MEGF6: variants seen among roughly 807,000 people sequenced by gnomAD.
MEGF6 encodes multiple epidermal growth factor-like domains protein 6.
A neutral mutation model predicts 207.1 loss-of-function variants in MEGF6; 184 were observed. The observed-to-expected ratio is 0.89, with a 90% CI of 0.79 to 1.00. The LOEUF (loss-of-function observed/expected upper bound fraction) is 1.00, where lower values mean the gene tolerates loss of function less well. MEGF6 is among the 50% of genes least tolerant of loss of function. The probability of loss-of-function intolerance (pLI) is 0.00; values close to 1 mark genes in which losing one functional copy is unlikely to be tolerated. For missense variants in MEGF6, 2,282 were observed against 2,202.9 expected, an observed-to-expected ratio of 1.04 and a Z score of -0.72; for synonymous variants, 1,038 against 910.0, an observed-to-expected ratio of 1.14 and a Z score of -2.53.
rs1281128232 is a variant in MEGF6, at chr1:3,560,785, G to A, written c.481+19040C>T. On this transcript the variant is annotated intron_variant, in intron 4 of 36. Transcript: ENST00000356575. This position sits in a 1 kb window ranked among gnomAD's most constrained non-coding sequence, Gnocchi z 4.0. ...TCTGGATTTCCAGGGTCACCCGGCA[G>A]TCCCCTCTGGCAGCCACCGGAGCAG... 2.1e-6 allele frequency: 1 copy of A among 472,848 alleles called. No individual in the cohort carries two copies. The highest frequency in any genetic ancestry group is 2.3e-5 in the Admixed American group (1 of 43,310). The allele number at this position is 472,848 out of a possible 1,614,324, so 29.3% of individuals were successfully genotyped here.
intron 5 of MEGF6, among the ~76,000 whole-genome samples, chr1:3,521,762 C>T (rs992862483): frequency 1.3e-5 from 2 of 152,218 alleles, no homozygotes; most frequent in African/African-American, 4.8e-5. Flanking sequence ...TGTCAGCTCC[C>T]AGGAACTCGC....
chr1:3,494,225 GC>G, intron 32 of MEGF6, 101 bp from the exon 33 acceptor site: 1 of 1,474,680 alleles, frequency 6.8e-7, no homozygotes, highest in Non-Finnish European at 9.0e-7. Flanking sequence ...CCCGAGAAAA[GC>G]CCCCTCCTGC....
At chr1:3,496,856 G>C (rs1640627487) in intron 28 of MEGF6, 73 bp from the exon 29 acceptor site, 2 of 1,524,442 alleles carry the variant, frequency 1.3e-6, no homozygotes, top group Non-Finnish European at 1.8e-6. Context: ...CAGCAAGGCA[G>C]CTCTCATGAG....
Position 3,509,244 on chromosome 1 carries a change from G to C in MEGF6, c.1359C>G (p.Pro453=). 1 of 1,485,930 alleles carries C rather than the reference G, an allele frequency of 6.7e-7. No individual in the cohort carries two copies. Among genetic ancestry groups the C allele is most frequent in the Non-Finnish European group, 9.0e-7 (1 of 1,115,912 alleles). 92.0% of individuals were successfully genotyped at this position (1,485,930 alleles called of 1,614,324 possible). Residue 453 remains proline (P), a splice_region_variant and synonymous_variant, in exon 12 of 37, where the codon CCC becomes CCG. Transcript: ENST00000356575. The part of the protein sequence containing the change: ...RLHEDRRGCS[P]LEEPMVDLDG... ...CCAGGTCCACCATCGGCTCCTCCAGGGCTGCCAGGGGCACAGAGGCGCCTT... is the reference window on the plus strand; with the variant it reads ...CCAGGTCCACCATCGGCTCCTCCAGCGCTGCCAGGGGCACAGAGGCGCCTT...
At chr1:3,554,871 T>C (rs914549549) in intron 4 of MEGF6, among the ~76,000 whole-genome samples, 1 of 152,202 alleles carries the variant, frequency 6.6e-6, no homozygotes, top group African/African-American at 2.4e-5. Flanking sequence ...GATTAGGCTG[T>C]GGACATCGCG....
intron 32 of MEGF6, 73 bp downstream of exon 32, chr1:3,494,298 G>A (rs1640504841): frequency 6.7e-7 from 1 of 1,490,668 alleles, no homozygotes; most frequent in African/African-American, 1.4e-5. Flanking sequence ...ACTGCTGCCT[G>A]GATCACCCAC....
intron 4 of MEGF6, among the ~76,000 whole-genome samples, chr1:3,550,494 C>T (rs1400101767): frequency 5.7e-5 from 8 of 139,806 alleles, no homozygotes; most frequent in South Asian, 2.2e-4. Context: ...CACAAAGGGT[C>T]GCTATGTTTC....
chr1:3,596,758 GC>G (rs1412202889), intron 2 of MEGF6, among the ~76,000 whole-genome samples: 1 of 148,246 alleles, frequency 6.7e-6, no homozygotes, highest in Non-Finnish European at 1.5e-5. Context: ...GGCATCACCA[GC>G]CCCCACGCAT....
intron 17 of MEGF6, among the ~76,000 whole-genome samples, chr1:3,504,398 T>C (rs1641026817): frequency 6.6e-6 from 1 of 152,020 alleles, no homozygotes; most frequent in African/African-American, 2.4e-5. Context: ...ATCCTGGTCA[T>C]GAGACTGAGG....
Position 3,511,997 on chromosome 1 carries a change from C to T in MEGF6, c.976+9G>A. 6.2e-7 allele frequency: 1 copy of T among 1,611,918 alleles called. No individual in the cohort carries two copies. The highest frequency in any genetic ancestry group is 8.5e-7 in the Non-Finnish European group (1 of 1,179,896). On this transcript the variant is annotated intron_variant, in intron 8 of 36. Transcript: ENST00000356575. ...GGCACCTTCAGCCTGTTGCCGGCTGCCCACTCACGGTAGCACTGCCGGCCA... is the reference window on the plus strand; with the variant it reads ...GGCACCTTCAGCCTGTTGCCGGCTGTCCACTCACGGTAGCACTGCCGGCCA...
Position 3,611,297 on chromosome 1 carries a change from C to T in MEGF6, c.-29G>A, listed in dbSNP as rs368776315. 251 of 1,426,072 alleles carry T rather than the reference C, an allele frequency of 1.8e-4. 1 individual carries two copies. In the African/African-American group the frequency reaches 3.4e-3, roughly 19 times the overall value. The allele number at this position is 1,426,072 out of a possible 1,614,324, so 88.3% of individuals were successfully genotyped here. A position where few individuals can be genotyped will look rare whatever the true frequency, so the allele number is the denominator to read the frequency against. ...GCGCGCCGGTGCCTCCTCCGCTCTC[C>T]GGCTCACAGGCGGCCCCGGCGGCTC... On this transcript the variant is annotated 5_prime_UTR_variant, in exon 1 of 37. Coordinates refer to ENST00000356575, the MANE Select transcript of MEGF6 (RefSeq NM_001409.4).
At position 3,548,227 on chromosome 1, in the gene MEGF6, G is replaced by A. The variant is rs569119325; in HGVS notation, c.482-23981C>T. Among the ~76,000 whole-genome samples the A allele has an allele frequency of 3.9e-5, 6 of 152,328 alleles. No homozygotes were observed. The South Asian group carries it at 1.2e-3, about 32-fold the overall frequency. On this transcript the variant is annotated intron_variant, in intron 4 of 36. Transcript: ENST00000356575. ...TTTCCCACCAGCACCCCAGACAGAC[G>A]GAACACAGCGCGGGCCTTTCCGGAC... is the stretch of plus-strand genomic sequence containing the variant.
rs200329367 is a variant in MEGF6 at position 3,511,587 on chromosome 1, G to A, written c.1077C>T (p.Arg359=). 343 of 1,611,938 alleles carry A rather than the reference G, an allele frequency of 2.1e-4. 1 individual carries two copies. Among genetic ancestry groups the A allele is most frequent in the African/African-American group, 1.8e-3 (135 of 75,010 alleles). ...TSAGPLCTCP[R]GYELDTDQRT... ...TCTGATCTGTGTCCAGCTCGTAGCCGCGGGGACATGTGCACAGGGGCCCAG... is the reference window on the plus strand; with the variant it reads ...TCTGATCTGTGTCCAGCTCGTAGCCACGGGGACATGTGCACAGGGGCCCAG... Residue 359 remains arginine, a synonymous_variant, in exon 9 of 37, where the codon CGC becomes CGT. Coordinates refer to ENST00000356575, the MANE Select transcript of MEGF6 (RefSeq NM_001409.4).
intron 4 of MEGF6, among the ~76,000 whole-genome samples, chr1:3,563,896 C>T (rs879753942): frequency 1.3e-5 from 2 of 152,206 alleles, no homozygotes; most frequent in African/African-American, 4.8e-5. Context: ...GAGGCCAGAG[C>T]CTGCCCCTTC....
intron 17 of MEGF6, among the ~76,000 whole-genome samples, chr1:3,502,344 C>T (rs1177575227): frequency 2.0e-5 from 3 of 152,122 alleles, no homozygotes; most frequent in African/African-American, 7.2e-5. Flanking sequence ...CCTCCGCCAC[C>T]GTAGTCACCA....
At chr1:3,497,401 C>T in intron 26 of MEGF6, 40 bp from the exon 27 acceptor site, 3 of 1,486,888 alleles carry the variant, frequency 2.0e-6, no homozygotes, top group South Asian at 2.7e-5. Flanking sequence ...CTAGGAGGGG[C>T]CCGTGGGGAT....
Position 3,488,884 on chromosome 1 carries a change from G to A in MEGF6, c.*1644C>T, listed in dbSNP as rs1050417504. 5.3e-5 allele frequency among the ~76,000 whole-genome samples: 8 copies of A among 152,138 alleles called. No individual in the cohort carries two copies. The highest frequency in any genetic ancestry group is 8.8e-5 in the Non-Finnish European group (6 of 68,018). ...CTTTAGATCTGAGAACGTCTTGGTCGTCGTTGCTTCATGTCAATGACTTCT... is the reference window on the plus strand; with the variant it reads ...CTTTAGATCTGAGAACGTCTTGGTCATCGTTGCTTCATGTCAATGACTTCT... On this transcript the variant is annotated 3_prime_UTR_variant, in exon 37 of 37. Transcript: ENST00000356575.
chr1:3,545,351 G>T (rs115014294), intron 4 of MEGF6, among the ~76,000 whole-genome samples: 1 of 152,150 alleles, frequency 6.6e-6, no homozygotes, highest in Non-Finnish European at 1.5e-5. Context: ...GGGGCTGAGT[G>T]GACCCTTCTG....
rs761295047 is a variant in MEGF6, at chr1:3,506,164, C to T, written c.1862G>A (p.Arg621His). 224 of 1,595,074 alleles carry T rather than the reference C, an allele frequency of 1.4e-4. 4 individuals are homozygous for T. In the South Asian group the frequency reaches 2.2e-3, roughly 16 times the overall value. ...GTCGCAGAGGCAGGCCCCGTAGAGGCGGTGGCACCGGCCCCGGTTGGCACA... is the reference window on the plus strand; with the variant it reads ...GTCGCAGAGGCAGGCCCCGTAGAGGTGGTGGCACCGGCCCCGGTTGGCACA... ...CNCANRGRCH[R>H]LYGACLCDPG... Residue 621 changes from arginine to histidine, a missense_variant, in exon 15 of 37, where the codon CGC becomes CAC. Arg to His is a conservative substitution (Grantham distance 29). Coordinates refer to ENST00000356575, the MANE Select transcript of MEGF6 (RefSeq NM_001409.4).
Sources: gnomAD v4.1 joint callset for allele counts (sites outside exome capture counted in the v4.1 genomes callset) on GRCh38, gnomAD v4.1.1 for gene constraint, Gnocchi (gnomAD v3.1) non-coding constraint, MANE v1.5 for transcripts, NCBI Gene and HGNC (gene_info 2026-07-23, HGNC 2026-07-21) for gene names.